ATP8A1: variants seen among roughly 807,000 people sequenced by gnomAD.
ATP8A1 encodes ATPase phospholipid transporting 8A1, also known as phospholipid-transporting ATPase IA.
In ATP8A1, 90 loss-of-function variants were observed where a neutral mutation model predicts 177.7. The ratio of observed to expected loss-of-function variants is 0.51; its 90% CI spans 0.43 to 0.60. The LOEUF (loss-of-function observed/expected upper bound fraction) is 0.60. ATP8A1 is among the 20% of genes least tolerant of loss of function. The pLI is 0.00. For synonymous variants in ATP8A1, 493 were observed against 485.9 expected (o/e 1.01, Z -0.19); for missense variants, 1,072 against 1,392.8 (o/e 0.77, Z 3.67).
chr4:42,611,170 G>A (rs57625661), intron 5 of ATP8A1, among the ~76,000 whole-genome samples: 2,934 of 152,220 alleles, frequency 0.019, 93 homozygotes, highest in African/African-American at 0.066. Flanking sequence ...CGCCCTGCAG[G>A]GAAGTAGTCT....
chr4:42,437,513 A>C (rs1172794734), intron 33 of ATP8A1, among the ~76,000 whole-genome samples: 7 of 152,210 alleles, frequency 4.6e-5, no homozygotes, highest in Non-Finnish European at 7.3e-5. Context: ...AGCGACAGCC[A>C]AGTTCGTCAC....
chr4:42,504,739 A>G (rs1328494473), intron 23 of ATP8A1, among the ~76,000 whole-genome samples: 2 of 152,214 alleles, frequency 1.3e-5, no homozygotes, highest in Non-Finnish European at 2.9e-5. Flanking sequence ...TTTTTACAGG[A>G]AAGTCAGAGC....
intron 22 of ATP8A1, among the ~76,000 whole-genome samples, chr4:42,517,940 C>G (rs1014387263): frequency 1.3e-5 from 2 of 152,124 alleles, no homozygotes; most frequent in African/African-American, 4.8e-5. Flanking sequence ...TAGTGTTCCC[C>G]AAGAGTGAAG....
In ATP8A1 at chr4:42,549,014, T is replaced by C. The variant is rs139072426; in HGVS notation, c.1651A>G (p.Ser551Gly). The part of the protein sequence containing the change: ...YELLNVLEFT[S>G]ARKRMSVIVR... Reference sequence around the variant, plus strand: ...CAAATCACTGAGCAGATGTTTTACCTGGTAAACTCCAAGACATTGAGCAAT... The same window carrying C: ...CAAATCACTGAGCAGATGTTTTACCCGGTAAACTCCAAGACATTGAGCAAT... Residue 551 changes from serine to glycine, a missense_variant and splice_region_variant, in exon 19 of 37, where the codon AGT (serine) becomes GGT (glycine). By Grantham distance (56) the Ser-to-Gly change is moderately conservative. Coordinates refer to ENST00000381668, the MANE Select transcript of ATP8A1 (RefSeq NM_006095.2). The C allele has an allele frequency of 2.5e-6, 4 of 1,609,084 alleles. No homozygotes were observed. Among genetic ancestry groups the C allele is most frequent in the Non-Finnish European group, 3.4e-6 (4 of 1,177,494 alleles).
intron 23 of ATP8A1, among the ~76,000 whole-genome samples, chr4:42,505,846 T>C (rs910320367): frequency 2.0e-5 from 3 of 152,232 alleles, no homozygotes; most frequent in African/African-American, 4.8e-5. Flanking sequence ...GTAATATATA[T>C]GATTACTATC....
At chr4:42,507,794 A>AAAAAAAC (rs1724581388) in intron 22 of ATP8A1, among the ~76,000 whole-genome samples, 1 of 137,896 alleles carries the variant, frequency 7.3e-6, no homozygotes, top group Non-Finnish European at 1.6e-5. Flanking sequence ...AAAAAAAAAA[A>AAAAAAAC]AAAAAAAAAA....
chr4:42,467,861 C>T (rs991419620), intron 25 of ATP8A1, among the ~76,000 whole-genome samples: 9 of 152,080 alleles, frequency 5.9e-5, no homozygotes, highest in Non-Finnish European at 1.0e-4. Context: ...TGTTTTTTCT[C>T]TTGCTAATTT....
At chr4:42,630,944 G>A (rs996123261) in intron 1 of ATP8A1, among the ~76,000 whole-genome samples, 3 of 152,186 alleles carry the variant, frequency 2.0e-5, no homozygotes, top group Non-Finnish European at 4.4e-5. Context: ...GAAGGAATAT[G>A]TATGCAATGT....
At chr4:42,538,994 T>C (rs1049578767) in intron 20 of ATP8A1, among the ~76,000 whole-genome samples, 11 of 152,096 alleles carry the variant, frequency 7.2e-5, no homozygotes, top group African/African-American at 2.7e-4. Flanking sequence ...TGCAAAAATA[T>C]GGAGCCAGCC....
intron 24 of ATP8A1, among the ~76,000 whole-genome samples, chr4:42,492,277 G>C (rs1560385375): frequency 6.6e-6 from 1 of 151,892 alleles, no homozygotes. Context: ...GTTACAAGGA[G>C]GATTCTATTC....
intron 5 of ATP8A1, among the ~76,000 whole-genome samples, chr4:42,602,122 A>C (rs749788069): frequency 6.6e-6 from 1 of 152,206 alleles, no homozygotes; most frequent in Non-Finnish European, 1.5e-5. Context: ...TAAAAAAATA[A>C]TCATTCCAAG....
At position 42,489,039 on chromosome 4, in the gene ATP8A1, A is replaced by G. The variant is rs555859749; in HGVS notation, c.2152-3371T>C. Among the ~76,000 whole-genome samples, 32 of 152,294 alleles carry G rather than the reference A, an allele frequency of 2.1e-4. 1 individual carries two copies. The highest frequency in any genetic ancestry group is 7.5e-4 in the African/African-American group (31 of 41,572). On this transcript the variant is annotated intron_variant, in intron 24 of 36. Coordinates refer to ENST00000381668, the MANE Select transcript of ATP8A1 (RefSeq NM_006095.2). Reference sequence around the variant, plus strand: ...ATTAGAGAAAGAGAGAGAGTAAGAGAGAGACACACACAGAGAGAGGTCTTC... The same window carrying G: ...ATTAGAGAAAGAGAGAGAGTAAGAGGGAGACACACACAGAGAGAGGTCTTC...
At chr4:42,460,491 G>A (rs753540600) in intron 27 of ATP8A1, among the ~76,000 whole-genome samples, 14 of 145,504 alleles carry the variant, frequency 9.6e-5, no homozygotes, top group Admixed American at 7.8e-4. Flanking sequence ...TGGTTCAAAT[G>A]AGTCTCCTGC....
At chr4:42,624,511 A>C in intron 4 of ATP8A1, 25 bp downstream of exon 4, 1 of 1,258,938 alleles carries the variant, frequency 7.9e-7, no homozygotes. Flanking sequence ...AGTCACATAC[A>C]ATTATGAAAA....
At chr4:42,485,900 G>A (rs1377129955) in intron 24 of ATP8A1, among the ~76,000 whole-genome samples, 2 of 152,128 alleles carry the variant, frequency 1.3e-5, no homozygotes. Context: ...TTCCTAGCAG[G>A]GTTGGGACTA....
At chr4:42,492,937 G>T (rs1578043003) in intron 24 of ATP8A1, among the ~76,000 whole-genome samples, 1 of 152,212 alleles carries the variant, frequency 6.6e-6, no homozygotes, top group Non-Finnish European at 1.5e-5. Context: ...GCAACAGAAT[G>T]TTATTAAAAC....
chr4:42,446,098 A>AAAAAAAAAAAAAAAAAAG (rs1553874360), intron 31 of ATP8A1, among the ~76,000 whole-genome samples: 1 of 146,898 alleles, frequency 6.8e-6, no homozygotes, highest in African/African-American at 2.5e-5. Flanking sequence ...AAAAAAAAAA[A>AAAAAAAAAAAAAAAAAAG]AGAGAAGAGA....
At chr4:42,452,901 A>G (rs1208409393) in intron 29 of ATP8A1, among the ~76,000 whole-genome samples, 1 of 152,242 alleles carries the variant, frequency 6.6e-6, no homozygotes, top group Non-Finnish European at 1.5e-5. Flanking sequence ...TTCAAACAAC[A>G]GAAATTAAGT....
intron 24 of ATP8A1, among the ~76,000 whole-genome samples, chr4:42,502,012 T>C (rs1723903022): frequency 6.6e-6 from 1 of 152,096 alleles, no homozygotes; most frequent in Non-Finnish European, 1.5e-5. Flanking sequence ...ATATCAGATA[T>C]GATCAACAAC....
Sources: allele counts gnomAD v4.1 joint callset (sites outside exome capture counted in the v4.1 genomes callset), GRCh38; gene constraint gnomAD v4.1.1; transcripts MANE v1.5; gene names NCBI Gene and HGNC (gene_info 2026-07-23, HGNC 2026-07-21).